SCN11A: variants seen among roughly 807,000 people sequenced by gnomAD.
The protein encoded by SCN11A is sodium channel protein type 11 subunit alpha.
Under a neutral mutation model 162.2 loss-of-function variants are expected in SCN11A, and 122 were observed. The ratio of observed to expected loss-of-function variants is 0.75; its 90% confidence interval spans 0.65 to 0.87. The LOEUF is 0.87. Ranked by LOEUF, SCN11A falls within the 40% of genes least tolerant of loss-of-function variation. The pLI, the probability that SCN11A is intolerant of heterozygous loss-of-function variation, is 0.00. For synonymous variants in SCN11A, 758 were observed against 751.5 expected, an observed-to-expected ratio of 1.01 and a Z score of -0.14; for missense variants, 2,015 against 2,181.6, an observed-to-expected ratio of 0.92 and a Z score of 1.52.
chr3:38,888,445 T>C (rs2065438391), intron 19 of SCN11A, among the ~76,000 whole-genome samples: 1 of 152,140 alleles, frequency 6.6e-6, no homozygotes, highest in African/African-American at 2.4e-5. Context: ...CATTCCAAAA[T>C]ATATGAGGAA....
intron 19 of SCN11A, among the ~76,000 whole-genome samples, chr3:38,893,080 T>C (rs1390969607): frequency 6.6e-6 from 1 of 152,006 alleles, no homozygotes; most frequent in African/African-American, 2.4e-5. Flanking sequence ...CCAGAATAGA[T>C]AAGAAAACAA....
chr3:38,865,210 T>C (rs2065023038), intron 27 of SCN11A, among the ~76,000 whole-genome samples: 1 of 152,198 alleles, frequency 6.6e-6, no homozygotes, highest in Non-Finnish European at 1.5e-5. Flanking sequence ...TACACTCTTA[T>C]GCATGTTTGA....
intron 2 of SCN11A, among the ~76,000 whole-genome samples, chr3:38,987,412 A>G (rs1026593915): frequency 6.6e-6 from 1 of 151,978 alleles, no homozygotes. Flanking sequence ...TCTGGGGCCC[A>G]TATTTCTAGC....
intron 2 of SCN11A, among the ~76,000 whole-genome samples, chr3:39,013,591 G>C (rs2031207571): frequency 6.6e-6 from 1 of 152,196 alleles, no homozygotes; most frequent in Non-Finnish European, 1.5e-5. Flanking sequence ...CACAGGATCA[G>C]CATAGCCCAC....
intron 2 of SCN11A, among the ~76,000 whole-genome samples, chr3:38,960,929 G>A (rs927396454): frequency 6.6e-6 from 1 of 152,202 alleles, no homozygotes; most frequent in African/African-American, 2.4e-5. Flanking sequence ...AGACAACTCT[G>A]CAGCAGACTG....
At chr3:38,916,748 T>A (rs1214812586) in intron 11 of SCN11A, among the ~76,000 whole-genome samples, 2 of 152,120 alleles carry the variant, frequency 1.3e-5, no homozygotes, top group African/African-American at 4.8e-5. Flanking sequence ...AATTGTTCAC[T>A]CTTTATCTAC....
At chr3:38,985,729 T>C (rs964045984) in intron 2 of SCN11A, among the ~76,000 whole-genome samples, 16 of 150,880 alleles carry the variant, frequency 1.1e-4, no homozygotes, top group African/African-American at 3.2e-4. Context: ...AGAAGAGACA[T>C]GTTGTTTAAA....
chr3:39,044,102 G>T (rs2032126871), intron 1 of SCN11A, among the ~76,000 whole-genome samples: 1 of 152,050 alleles, frequency 6.6e-6, no homozygotes, highest in African/African-American at 2.4e-5. Flanking sequence ...AAGAGAAAAA[G>T]AATGTCATTA....
chr3:38,905,104 G>T, intron 15 of SCN11A, 88 bp downstream of exon 15: 2 of 1,563,334 alleles, frequency 1.3e-6, no homozygotes, highest in Non-Finnish European at 1.8e-6. Context: ...AGCCTCCTTT[G>T]CAGAGGGCTT....
At position 38,847,099 on chromosome 3, in the gene SCN11A, C is replaced by G. The variant is rs921146855; in HGVS notation, c.4971G>C (p.Leu1657Phe). The stretch of plus-strand genomic sequence containing the variant: ...GATATTTATTTGGCTTTGCGACACG[C>G]AAAGGCTCAGGCAAGGCATCAGCAA... ...SDFADALPEP[L>F]RVAKPNKYQF... The change falls in exon 30 of 30, where the codon TTG becomes TTC. Residue 1657 changes from leucine to phenylalanine, a missense_variant. Transcript: ENST00000302328. 6.2e-7 allele frequency: 1 copy of G among 1,614,122 alleles called. No individual in the cohort carries two copies. Among genetic ancestry groups the G allele is most frequent in the Non-Finnish European group, 8.5e-7 (1 of 1,180,034 alleles).
chr3:39,008,322 G>A (rs1222709276), intron 2 of SCN11A, among the ~76,000 whole-genome samples: 1 of 152,088 alleles, frequency 6.6e-6, no homozygotes, highest in Non-Finnish European at 1.5e-5. Flanking sequence ...AGACATGCAA[G>A]GTCTGAAAAA....
In SCN11A at chr3:38,872,180, C is replaced by T. The variant is rs1487415728; in HGVS notation, c.3495+13G>A. 1.4e-6 allele frequency: 2 copies of T among 1,475,554 alleles called. No individual in the cohort carries two copies. Among genetic ancestry groups the T allele is most frequent in the Admixed American group, 3.3e-5 (2 of 59,726 alleles). 91.4% of individuals were successfully genotyped at this position (1,475,554 alleles called of 1,614,324 possible). A position where few individuals can be genotyped will look rare whatever the true frequency, so the allele number is the denominator to read the frequency against. On this transcript the variant is annotated intron_variant, in intron 24 of 29. Transcript: ENST00000302328. ...GTTAACTGAACTTCTACCCATTCTTCTGCAGAATGTACCTTCATTCCTTCA... is the reference window on the plus strand; with the variant it reads ...GTTAACTGAACTTCTACCCATTCTTTTGCAGAATGTACCTTCATTCCTTCA...
chr3:38,987,453 C>T (rs1016610816), intron 2 of SCN11A, among the ~76,000 whole-genome samples: 4 of 152,160 alleles, frequency 2.6e-5, no homozygotes, highest in African/African-American at 7.2e-5. Context: ...ACAGGGCTGT[C>T]TCTCTCTCAG....
intron 2 of SCN11A, among the ~76,000 whole-genome samples, chr3:39,022,050 G>T (rs1307752322): frequency 6.6e-6 from 1 of 152,062 alleles, no homozygotes. Flanking sequence ...GCCTAAGGCT[G>T]CCCCTCCTTT....
chr3:38,989,831 C>T (rs1256884772), intron 2 of SCN11A, among the ~76,000 whole-genome samples: 1 of 151,942 alleles, frequency 6.6e-6, no homozygotes, highest in Non-Finnish European at 1.5e-5. Context: ...ATCATTAAGG[C>T]CCCCTACAAT....
At position 39,033,165 on chromosome 3, in the gene SCN11A, A is replaced by AG. The variant is rs1263916332; in HGVS notation, c.-403-663_-403-662insC. Among the ~76,000 whole-genome samples the AG allele has an allele frequency of 5.8e-4, 87 of 151,200 alleles. 1 individual carries two copies. Among genetic ancestry groups the AG allele is most frequent in the Non-Finnish European group, 1.1e-3 (75 of 67,826 alleles). ...GAGGTTGCATCTTGAAAAAAAAAAA[A>AG]AGAGAGAGAGAGAGAAAACTTAATT... On this transcript the variant is annotated intron_variant, in intron 1 of 29. Transcript: ENST00000302328.
intron 21 of SCN11A, among the ~76,000 whole-genome samples, 155 bp downstream of exon 21, chr3:38,885,133 G>A (rs572916458): frequency 6.6e-6 from 1 of 152,172 alleles, no homozygotes; most frequent in Non-Finnish European, 1.5e-5. Flanking sequence ...GCCTAGATCC[G>A]ACAATCGCCT....
chr3:39,034,225 T>C (rs2031842157), intron 1 of SCN11A, among the ~76,000 whole-genome samples: 1 of 151,936 alleles, frequency 6.6e-6, no homozygotes, highest in Non-Finnish European at 1.5e-5. Context: ...CAAATAGAAT[T>C]CATCAGCACA....
chr3:38,902,735 T>A (rs1159664147), intron 16 of SCN11A, among the ~76,000 whole-genome samples: 2 of 152,150 alleles, frequency 1.3e-5, no homozygotes, highest in African/African-American at 2.4e-5. Flanking sequence ...GCCAGGATGG[T>A]CTTGATCTCC....
Sources: allele counts gnomAD v4.1 joint callset (sites outside exome capture counted in the v4.1 genomes callset), GRCh38; gene constraint gnomAD v4.1.1; transcripts MANE v1.5; gene names NCBI Gene and HGNC (gene_info 2026-07-23, HGNC 2026-07-21).